The following BMPR1B variants were observed in gnomAD, a reference collection of about 807,000 sequenced individuals.
The protein encoded by BMPR1B is bone morphogenetic protein receptor type 1B.
BMPR1B carries 12 observed loss-of-function variants against 59.1 expected under a neutral mutation model. The observed-to-expected ratio is 0.20, with a 90% CI of 0.13 to 0.33. The LOEUF (loss-of-function observed/expected upper bound fraction) is 0.33. BMPR1B is among the 10% of genes least tolerant of loss of function. BMPR1B has a pLI of 1.00. For synonymous variants in BMPR1B, 237 were observed against 207.3 expected, an observed-to-expected ratio of 1.14 and a Z score of -1.23; for missense variants, 550 against 610.9, an observed-to-expected ratio of 0.90 and a Z score of 1.05.
chr4:94,937,209 A>G (rs539033049), intron 2 of BMPR1B, among the ~76,000 whole-genome samples: 24 of 151,968 alleles, frequency 1.6e-4, no homozygotes, highest in Non-Finnish European at 2.6e-4. Flanking sequence ...TGCCATTCCT[A>G]CCTCTTCTCT....
intron 3 of BMPR1B, among the ~76,000 whole-genome samples, chr4:95,010,160 C>T (rs1723119376): frequency 2.0e-5 from 3 of 152,122 alleles, no homozygotes; most frequent in Admixed American, 1.3e-4. Flanking sequence ...GGGCCCGTTT[C>T]AGGGTAAAGA....
intron 3 of BMPR1B, among the ~76,000 whole-genome samples, chr4:95,025,995 A>G (rs952181366): frequency 2.6e-5 from 4 of 152,184 alleles, no homozygotes; most frequent in African/African-American, 9.6e-5. Context: ...ATGTGTCACA[A>G]GTACACCTGA....
At chr4:94,982,602 T>C (rs1721150513) in intron 2 of BMPR1B, among the ~76,000 whole-genome samples, 1 of 152,184 alleles carries the variant, frequency 6.6e-6, no homozygotes, top group East Asian at 1.9e-4. Context: ...TTGATATTAA[T>C]GTGCAGCACG....
chr4:95,020,603 C>T (rs1723912777), intron 3 of BMPR1B, among the ~76,000 whole-genome samples: 1 of 149,722 alleles, frequency 6.7e-6, no homozygotes. Flanking sequence ...AAAGAGTTAT[C>T]TAGCTCAAAA....
At chr4:95,001,787 G>A (rs756083294) in intron 3 of BMPR1B, among the ~76,000 whole-genome samples, 3 of 152,074 alleles carry the variant, frequency 2.0e-5, no homozygotes, top group Non-Finnish European at 4.4e-5. Context: ...AATCGAAGAC[G>A]TAGAGGGGGG....
chr4:95,028,379 G>T (rs1039190589), intron 3 of BMPR1B, among the ~76,000 whole-genome samples: 10 of 152,228 alleles, frequency 6.6e-5, no homozygotes, highest in African/African-American at 2.4e-4. Flanking sequence ...TTATGTTCAT[G>T]TATTGTGGTG....
At chr4:94,895,696 A>T (rs950956240) in intron 2 of BMPR1B, among the ~76,000 whole-genome samples, 2 of 151,688 alleles carry the variant, frequency 1.3e-5, no homozygotes, top group African/African-American at 4.8e-5. Flanking sequence ...TAGGCTCTAT[A>T]TAGCATATAA....
At chr4:94,839,924 C>G (rs1010513628) in intron 1 of BMPR1B, among the ~76,000 whole-genome samples, 3 of 151,740 alleles carry the variant, frequency 2.0e-5, no homozygotes, top group Non-Finnish European at 4.4e-5. Flanking sequence ...ATGTTTAGTG[C>G]TTCCTTCAGG....
intron 1 of BMPR1B, among the ~76,000 whole-genome samples, chr4:94,798,092 A>G (rs536489617): frequency 9.2e-5 from 14 of 152,206 alleles, no homozygotes; most frequent in Non-Finnish European, 1.3e-4. Flanking sequence ...TCTAATTTTA[A>G]TCTTATTTAT....
At chr4:94,926,276 T>A (rs1472898237) in intron 2 of BMPR1B, among the ~76,000 whole-genome samples, 3 of 151,904 alleles carry the variant, frequency 2.0e-5, no homozygotes, top group Admixed American at 6.6e-5. Context: ...TCTGAATAGA[T>A]GTTTTATAGG....
chr4:94,892,621 A>G (rs925900922), intron 2 of BMPR1B, among the ~76,000 whole-genome samples: 2 of 152,064 alleles, frequency 1.3e-5, no homozygotes, highest in Non-Finnish European at 2.9e-5. Context: ...TTCTATTGGT[A>G]TGGAGAGTAA....
At chr4:94,909,607 C>T (rs545207763) in intron 2 of BMPR1B, among the ~76,000 whole-genome samples, 2 of 152,210 alleles carry the variant, frequency 1.3e-5, no homozygotes, top group African/African-American at 4.8e-5. Flanking sequence ...GGTCTTCTTG[C>T]TTAGTAGGCC....
chr4:95,104,494 A>T lies in BMPR1B; in HGVS notation c.70A>T (p.Thr24Ser). 1 of 1,612,934 alleles carries T rather than the reference A, an allele frequency of 6.2e-7. No individual in the cohort carries two copies. The highest frequency in any genetic ancestry group is 8.5e-7 in the Non-Finnish European group (1 of 1,179,484). ...AGAGGATGGTGAGAGTACAGCCCCC[A>T]CCCCCCGTCCAAAGGTCTTGCGTTG... ...KKEDGESTAPTPRPKVLRCKC... is the reference protein window; with the variant it reads ...KKEDGESTAPSPRPKVLRCKC... The change falls in exon 4 of 13, where the codon ACC becomes TCC. Residue 24 changes from threonine to serine, a missense_variant. Transcript: ENST00000515059.
chr4:94,793,055 T>TG (rs1723044298), intron 1 of BMPR1B, among the ~76,000 whole-genome samples: 1 of 152,094 alleles, frequency 6.6e-6, no homozygotes, highest in Admixed American at 6.5e-5. Context: ...TTAGGGTACA[T>TG]GTGCACATTG....
rs1232402547 is a variant in BMPR1B at position 95,092,702 on chromosome 4, A to G, written c.-17-11706A>G. Among the ~76,000 whole-genome samples the G allele has an allele frequency of 2.0e-5, 3 of 152,104 alleles. No homozygotes were observed. In the East Asian group the frequency reaches 5.8e-4, roughly 29 times the overall value. The stretch of plus-strand genomic sequence containing the variant: ...TAAGGATTAGGAGCAGAGAGGTTCT[A>G]AATGTTTTCCAGGTTTTTTCTTTGG... On this transcript the variant is annotated intron_variant, in intron 3 of 12. Coordinates refer to ENST00000515059, the MANE Select transcript of BMPR1B (RefSeq NM_001203.3).
At chr4:95,065,344 G>A (rs912369899) in intron 3 of BMPR1B, among the ~76,000 whole-genome samples, 2 of 152,112 alleles carry the variant, frequency 1.3e-5, no homozygotes, top group African/African-American at 4.8e-5. Flanking sequence ...TGAGGGGGTT[G>A]AAAATGTTCT....
intron 2 of BMPR1B, among the ~76,000 whole-genome samples, chr4:94,926,836 C>T (rs1728908157): frequency 6.6e-6 from 1 of 151,978 alleles, no homozygotes; most frequent in South Asian, 2.1e-4. Flanking sequence ...AAACAGAGGA[C>T]CTCAAATTAA....
At chr4:94,960,708 G>T (rs1730320132) in intron 2 of BMPR1B, among the ~76,000 whole-genome samples, 1 of 117,458 alleles carries the variant, frequency 8.5e-6, no homozygotes, top group Non-Finnish European at 1.8e-5. Flanking sequence ...CAATCCAGAG[G>T]TGTATGAAAA....
intron 1 of BMPR1B, among the ~76,000 whole-genome samples, chr4:94,795,128 C>T (rs373242800): frequency 9.0e-5 from 13 of 144,490 alleles, no homozygotes; most frequent in Non-Finnish European, 1.8e-4. Flanking sequence ...CCAGTTTTTG[C>T]CCATTGAGTA....
Sources: allele counts gnomAD v4.1 joint callset (sites outside exome capture counted in the v4.1 genomes callset), GRCh38; gene constraint gnomAD v4.1.1; transcripts MANE v1.5; gene names NCBI Gene and HGNC (gene_info 2026-07-23, HGNC 2026-07-21).